MGAT4A: variants seen among roughly 807,000 people sequenced by gnomAD.
MGAT4A encodes the protein alpha-1,3-mannosyl-glycoprotein 4-beta-N-acetylglucosaminyltransferase A, also known as N-acetylglucosaminyltransferase IVa.
Under a neutral mutation model 74.1 loss-of-function variants are expected in MGAT4A, and 33 were observed. That is an observed-to-expected ratio of 0.45 (90% confidence interval 0.34 to 0.60). The LOEUF is 0.60. MGAT4A is among the 20% of genes least tolerant of loss of function. The pLI is 0.02. For missense variants in MGAT4A, 479 were observed against 628.3 expected (o/e 0.76, Z 2.54); for synonymous variants, 198 against 210.4 (o/e 0.94, Z 0.51).
Position 98,621,156 on chromosome 2 carries a change from T to G in MGAT4A, c.*4410A>C. ...ATTTAGCAGCTTAAAACACCACTGATTTATTATCTCATAGTTCTGTAGGTC... is the reference window on the plus strand; with the variant it reads ...ATTTAGCAGCTTAAAACACCACTGAGTTATTATCTCATAGTTCTGTAGGTC... On this transcript the variant is annotated 3_prime_UTR_variant, in exon 16 of 16. Coordinates refer to ENST00000393487, the MANE Select transcript of MGAT4A (RefSeq NM_012214.3). 1 of 345,316 alleles carries G rather than the reference T, an allele frequency of 2.9e-6. No homozygotes were observed. The highest frequency in any genetic ancestry group is 5.2e-6 in the Non-Finnish European group (1 of 192,938). The allele number at this position is 345,316 out of a possible 1,614,324, so 21.4% of individuals were successfully genotyped here. A position where few individuals can be genotyped will look rare whatever the true frequency, so the allele number is the denominator to read the frequency against.
intron 9 of MGAT4A, 77 bp from the exon 10 acceptor site, chr2:98,644,130 C>T: frequency 7.3e-7 from 1 of 1,367,644 alleles, no homozygotes; most frequent in Non-Finnish European, 9.8e-7. Context: ...GAAATCTTGC[C>T]CACGACATAC....
intron 14 of MGAT4A, among the ~76,000 whole-genome samples, chr2:98,628,102 A>G (rs1043457960): frequency 2.6e-5 from 4 of 152,132 alleles, no homozygotes; most frequent in African/African-American, 7.2e-5. Context: ...AGCAGATTCT[A>G]CTTCAGGTTG....
In MGAT4A at chr2:98,658,283, G is replaced by GT; in HGVS notation, c.538-20dup. 2.0e-6 allele frequency: 3 copies of GT among 1,477,988 alleles called. No individual in the cohort carries two copies. The highest frequency in any genetic ancestry group is 2.5e-5 in the South Asian group (2 of 79,270). 91.6% of individuals were successfully genotyped at this position (1,477,988 alleles called of 1,614,324 possible). Reference sequence around the variant, plus strand: ...TATCTGTCTGGGAAAGAAAAAAAATGTATCTATATTCAAGTTTTTATATTT... The same window carrying GT: ...TATCTGTCTGGGAAAGAAAAAAAATGTTATCTATATTCAAGTTTTTATATTT... On this transcript the variant is annotated intron_variant, in intron 5 of 15. Transcript: ENST00000393487.
At chr2:98,659,933 T>C (rs1056958446) in intron 5 of MGAT4A, among the ~76,000 whole-genome samples, 3 of 150,200 alleles carry the variant, frequency 2.0e-5, no homozygotes, top group African/African-American at 7.4e-5. Flanking sequence ...ATCTATGTTA[T>C]AAAGACTGTC....
At chr2:98,724,237 C>T (rs1702728566) in intron 2 of MGAT4A, among the ~76,000 whole-genome samples, 2 of 152,166 alleles carry the variant, frequency 1.3e-5, no homozygotes, top group Admixed American at 6.5e-5. Context: ...AGTTTAGCAA[C>T]ATCAAAGCTT....
At chr2:98,651,284 G>GC (rs1326139649) in intron 8 of MGAT4A, among the ~76,000 whole-genome samples, 1 of 152,178 alleles carries the variant, frequency 6.6e-6, no homozygotes, top group Non-Finnish European at 1.5e-5. Context: ...TAATGCAGGT[G>GC]CATGAATCAC....
At chr2:98,635,119 G>A in intron 14 of MGAT4A, 103 bp downstream of exon 14, 1 of 810,982 alleles carries the variant, frequency 1.2e-6, no homozygotes, top group South Asian at 1.7e-5. Context: ...GGAGGACACT[G>A]GTAATTGTAA....
chr2:98,702,654 A>G (rs2104315832), intron 2 of MGAT4A, among the ~76,000 whole-genome samples: 1 of 152,344 alleles, frequency 6.6e-6, no homozygotes, highest in South Asian at 2.1e-4. Flanking sequence ...TCCACAGTCC[A>G]ACAGGTCCTG....
At chr2:98,718,558 G>A (rs1262176940) in intron 2 of MGAT4A, among the ~76,000 whole-genome samples, 1 of 152,148 alleles carries the variant, frequency 6.6e-6, no homozygotes, top group Non-Finnish European at 1.5e-5. Flanking sequence ...CAGTGAGGTA[G>A]AGACCTCACT....
intron 6 of MGAT4A, among the ~76,000 whole-genome samples, chr2:98,656,773 TAAA>T (rs935281002): frequency 1.4e-5 from 2 of 144,232 alleles, no homozygotes; most frequent in African/African-American, 5.1e-5. Flanking sequence ...GTATCTGAAT[TAAA>T]AAAAAAAAAT....
intron 4 of MGAT4A, among the ~76,000 whole-genome samples, chr2:98,664,701 T>C (rs1317060996): frequency 1.3e-5 from 2 of 152,236 alleles, no homozygotes; most frequent in East Asian, 3.8e-4. Context: ...GCCACATTTA[T>C]GTGTTTCTTA....
intron 14 of MGAT4A, 96 bp from the exon 15 acceptor site, chr2:98,625,931 T>A (rs1701137811): frequency 1.4e-6 from 1 of 739,642 alleles, no homozygotes; most frequent in African/African-American, 1.8e-5. Context: ...CCAAAATATT[T>A]CTAGTAGATG....
intron 2 of MGAT4A, among the ~76,000 whole-genome samples, chr2:98,695,794 G>A (rs1358702279): frequency 6.6e-6 from 1 of 151,936 alleles, no homozygotes; most frequent in Non-Finnish European, 1.5e-5. Flanking sequence ...ATCTTAACCA[G>A]GTCTGCAAGT....
chr2:98,656,360 T>G lies in MGAT4A; in HGVS notation c.690A>C (p.Glu230Asp). The change falls in exon 7 of 16, where the codon GAA (glutamate) becomes GAC (aspartate). Residue 230 changes from glutamate to aspartate, a missense_variant. By Grantham distance (45) the Glu-to-Asp change is conservative. Coordinates refer to ENST00000393487, the MANE Select transcript of MGAT4A (RefSeq NM_012214.3). ...NLKETFGDSK[E>D]RVRWRTKQNL... is the part of the protein sequence containing the mutation. ...AAACGGCACATGCTCACCTTACTCTTTCTTTGGAGTCTCCAAATGTCTCCT... is the reference window on the plus strand; with the variant it reads ...AAACGGCACATGCTCACCTTACTCTGTCTTTGGAGTCTCCAAATGTCTCCT... The G allele has an allele frequency of 1.9e-6, 3 of 1,589,742 alleles. No homozygotes were observed. The highest frequency in any genetic ancestry group is 2.6e-6 in the Non-Finnish European group (3 of 1,159,136).
chr2:98,630,679 T>C (rs1391278223), intron 14 of MGAT4A, among the ~76,000 whole-genome samples: 1 of 152,186 alleles, frequency 6.6e-6, no homozygotes, highest in Non-Finnish European at 1.5e-5. Context: ...GGCGTATCAT[T>C]TGTGTGTGAC....
intron 5 of MGAT4A, among the ~76,000 whole-genome samples, chr2:98,660,757 G>A (rs547109539): frequency 6.6e-6 from 1 of 152,048 alleles, no homozygotes; most frequent in African/African-American, 2.4e-5. Context: ...TTCAACTCAC[G>A]TGAAATATAC....
At chr2:98,633,251 A>T (rs1165348721) in intron 14 of MGAT4A, among the ~76,000 whole-genome samples, 1 of 151,978 alleles carries the variant, frequency 6.6e-6, no homozygotes. Flanking sequence ...TGGCAGCCTG[A>T]CCCTCCTGGG....
chr2:98,728,435 G>A (rs1360013913), intron 1 of MGAT4A, among the ~76,000 whole-genome samples: 4 of 152,146 alleles, frequency 2.6e-5, no homozygotes, highest in Admixed American at 6.5e-5. Context: ...ACATGCCCAC[G>A]TCTACAGTTT....
intron 8 of MGAT4A, among the ~76,000 whole-genome samples, chr2:98,647,377 C>T (rs1276147385): frequency 1.3e-5 from 2 of 152,118 alleles, no homozygotes; most frequent in Non-Finnish European, 2.9e-5. Flanking sequence ...TGCAGTGGTA[C>T]AATCTCGGCT....
Sources: allele counts gnomAD v4.1 joint callset (sites outside exome capture counted in the v4.1 genomes callset), GRCh38; gene constraint gnomAD v4.1.1; transcripts MANE v1.5; gene names NCBI Gene and HGNC (gene_info 2026-07-23, HGNC 2026-07-21).